Variants in HACD2 observed in about 807,000 individuals in gnomAD.
HACD2 encodes very-long-chain (3R)-3-hydroxyacyl-CoA dehydratase 2.
A neutral mutation model predicts 31.0 loss-of-function variants in HACD2; 15 were observed. That is an observed-to-expected ratio of 0.48 (90% confidence interval 0.32 to 0.75). The LOEUF (loss-of-function observed/expected upper bound fraction) is 0.75. HACD2 is among the 30% of genes least tolerant of loss of function. The probability of loss-of-function intolerance (pLI) is 0.03; values close to 1 mark genes in which losing one functional copy is unlikely to be tolerated. For missense variants in HACD2, 283 were observed against 313.0 expected, an observed-to-expected ratio of 0.90 and a Z score of 0.72; for synonymous variants, 115 against 122.2, an observed-to-expected ratio of 0.94 and a Z score of 0.39.
intron 3 of HACD2, among the ~76,000 whole-genome samples, chr3:123,531,066 C>G (rs1229116210): frequency 6.7e-6 from 1 of 149,764 alleles, no homozygotes. Context: ...CGGGGTTTCA[C>G]CATGTTGGTC....
chr3:123,556,497 T>C (rs1266359250), intron 3 of HACD2, among the ~76,000 whole-genome samples: 3 of 152,120 alleles, frequency 2.0e-5, no homozygotes, highest in South Asian at 4.1e-4. Context: ...ATGTGATATT[T>C]TGACATATTC....
chr3:123,576,153 G>C (rs979875120), intron 2 of HACD2, among the ~76,000 whole-genome samples: 2 of 152,118 alleles, frequency 1.3e-5, no homozygotes, highest in Non-Finnish European at 2.9e-5. Context: ...GAGAACGTGA[G>C]TGGAAACTCC....
chr3:123,523,194 C>T (rs563325314), intron 4 of HACD2, among the ~76,000 whole-genome samples: 7 of 152,268 alleles, frequency 4.6e-5, no homozygotes, highest in East Asian at 3.9e-4. Flanking sequence ...AAAACAGGTC[C>T]GGAAGCAGGG....
At chr3:123,510,706 T>A (rs1181755719) in intron 4 of HACD2, among the ~76,000 whole-genome samples, 1 of 152,252 alleles carries the variant, frequency 6.6e-6, no homozygotes, top group Non-Finnish European at 1.5e-5. Context: ...TTGGCTATTA[T>A]GAATATGCTG....
chr3:123,505,785 A>G (rs1158626145), intron 4 of HACD2, among the ~76,000 whole-genome samples: 1 of 152,288 alleles, frequency 6.6e-6, no homozygotes, highest in Non-Finnish European at 1.5e-5. Context: ...ACTTTAAAAT[A>G]TGTAAAAGGA....
intron 3 of HACD2, among the ~76,000 whole-genome samples, chr3:123,533,527 T>C (rs927691699): frequency 2.4e-4 from 36 of 152,212 alleles, no homozygotes; most frequent in African/African-American, 8.2e-4. Flanking sequence ...TTGAACACAA[T>C]GGCATAGCAT....
chr3:123,573,846 A>G (rs1180457412), intron 2 of HACD2, among the ~76,000 whole-genome samples: 7 of 152,152 alleles, frequency 4.6e-5, no homozygotes. Context: ...TTTATCACTT[A>G]ATTTCACCTT....
intron 3 of HACD2, among the ~76,000 whole-genome samples, chr3:123,546,086 T>A (rs537805054): frequency 1.3e-5 from 2 of 152,148 alleles, no homozygotes; most frequent in African/African-American, 4.8e-5. Context: ...TTATTATTAA[T>A]GAGGACTTTA....
At position 123,521,170 on chromosome 3, in the gene HACD2, A is replaced by G. The variant is rs576298520; in HGVS notation, c.381+7216T>C. 1.2e-4 allele frequency among the ~76,000 whole-genome samples: 18 copies of G among 152,276 alleles called. No individual in the cohort carries two copies. The South Asian group carries it at 2.1e-3, about 18-fold the overall frequency. On this transcript the variant is annotated intron_variant, in intron 4 of 6. Transcript: ENST00000383657. ...GCTTGTCAAAAATTTCACCATCAAA[A>G]ATAGGAGTAATGTAGGAGACCCCAT...
At chr3:123,541,452 C>T (rs757489308) in intron 3 of HACD2, among the ~76,000 whole-genome samples, 1 of 152,128 alleles carries the variant, frequency 6.6e-6, no homozygotes, top group Non-Finnish European at 1.5e-5. Flanking sequence ...CAGAGTTCTA[C>T]CAAACTATGT....
chr3:123,561,870 G>A (rs903529189), intron 3 of HACD2, among the ~76,000 whole-genome samples: 1 of 152,026 alleles, frequency 6.6e-6, no homozygotes, highest in Non-Finnish European at 1.5e-5. Flanking sequence ...GGAGTGCAGA[G>A]GCACAATTTC....
chr3:123,546,867 A>G (rs1344110007), intron 3 of HACD2, among the ~76,000 whole-genome samples: 1 of 152,236 alleles, frequency 6.6e-6, no homozygotes, highest in African/African-American at 2.4e-5. Context: ...AGTCATGGAA[A>G]GCAATGACAT....
chr3:123,552,042 T>C (rs2056625451), intron 3 of HACD2, among the ~76,000 whole-genome samples: 1 of 152,156 alleles, frequency 6.6e-6, no homozygotes, highest in South Asian at 2.1e-4. Context: ...GAGGTCCCAC[T>C]GCAAATCTTT....
chr3:123,500,736 C>T (rs771641793), intron 5 of HACD2, 43 bp from the exon 6 acceptor site: 1 of 1,405,366 alleles, frequency 7.1e-7, no homozygotes, highest in South Asian at 1.3e-5. Context: ...TCAAAGTCAG[C>T]TTTAGAAGGA....
At chr3:123,515,771 T>C (rs1243069882) in intron 4 of HACD2, among the ~76,000 whole-genome samples, 1 of 152,170 alleles carries the variant, frequency 6.6e-6, no homozygotes, top group Admixed American at 6.5e-5. Context: ...TTTGTTTTTT[T>C]TTGAGACGGA....
chr3:123,535,264 G>A lies in HACD2; in HGVS notation c.293-6790C>T, dbSNP rs538992594. Among the ~76,000 whole-genome samples the A allele has an allele frequency of 3.3e-5, 5 of 152,240 alleles. No individual in the cohort carries two copies. In the East Asian group the frequency reaches 5.8e-4, roughly 18 times the overall value. On this transcript the variant is annotated intron_variant, in intron 3 of 6. Coordinates refer to ENST00000383657, the MANE Select transcript of HACD2 (RefSeq NM_198402.5). ...CAAATACCACTGTGCTACACCTGTC[G>A]TACAGTCCAGTAACCTTCTGTAGAG...
At chr3:123,497,072 G>A (rs1358796951) in intron 6 of HACD2, among the ~76,000 whole-genome samples, 1 of 152,228 alleles carries the variant, frequency 6.6e-6, no homozygotes, top group African/African-American at 2.4e-5. Context: ...GGCCTAGGGT[G>A]TCTGGCCTAT....
intron 3 of HACD2, among the ~76,000 whole-genome samples, chr3:123,566,769 C>A (rs551636223): frequency 6.6e-6 from 1 of 151,986 alleles, no homozygotes. Flanking sequence ...TGGTGGCGCA[C>A]GCCTGTAATC....
At chr3:123,514,368 C>A (rs2056106643) in intron 4 of HACD2, among the ~76,000 whole-genome samples, 1 of 152,078 alleles carries the variant, frequency 6.6e-6, no homozygotes, top group East Asian at 1.9e-4. Context: ...TATGAGAGTT[C>A]TTTGTACTGC....
Sources: allele counts gnomAD v4.1 joint callset (sites outside exome capture counted in the v4.1 genomes callset), GRCh38; gene constraint gnomAD v4.1.1; transcripts MANE v1.5; gene names NCBI Gene and HGNC (gene_info 2026-07-23, HGNC 2026-07-21).